MYO7B: variants seen among roughly 807,000 people sequenced by gnomAD.
MYO7B encodes myosin VIIB, also known as unconventional myosin-VIIb.
In MYO7B, 212 loss-of-function variants were observed where a neutral mutation model predicts 259.7. The observed-to-expected ratio is 0.82, with a 90% CI of 0.73 to 0.91. The LOEUF is 0.91. Ranked by LOEUF, MYO7B falls within the 40% of genes least tolerant of loss-of-function variation. MYO7B has a pLI of 0.00. For synonymous variants in MYO7B, 1,197 were observed against 1,166.4 expected (o/e 1.03, Z -0.54); for missense variants, 2,732 against 2,813.5 (o/e 0.97, Z 0.66).
In MYO7B at chr2:127,580,769, G is replaced by A. The variant is rs749059672; in HGVS notation, c.1027G>A (p.Ala343Thr). The change falls in exon 10 of 48, where the codon GCC (alanine) becomes ACC (threonine). Residue 343 changes from alanine (A) to threonine (T), a missense_variant. Around this residue, in one of 3 missense-constraint regions of MYO7B, gnomAD observed 1,906 missense variants for 2,026.4 expected, o/e 0.94. Coordinates refer to ENST00000409816, the MANE Select transcript of MYO7B (RefSeq NM_001393586.1). The stretch of plus-strand genomic sequence containing the variant: ...AGCTTCGGTCTTCGAGAACCTGGAC[G>A]CCTCAGACGTGATGGAGACGCCCGC... The part of the protein sequence containing the change: ...FMASVFENLD[A>T]SDVMETPAFP... The A allele has an allele frequency of 1.1e-5, 18 of 1,613,362 alleles. No individual in the cohort carries two copies. The highest frequency in any genetic ancestry group is 1.1e-4 in the East Asian group (5 of 44,888).
intron 10 of MYO7B, 64 bp downstream of exon 10, chr2:127,580,886 C>G (rs757740738): frequency 5.5e-6 from 8 of 1,443,794 alleles, no homozygotes; most frequent in Non-Finnish European, 7.7e-6. Context: ...GGCTGACAGA[C>G]CCCTGACACC....
chr2:127,545,382 C>A (rs1379432925), intron 1 of MYO7B, among the ~76,000 whole-genome samples: 3 of 152,190 alleles, frequency 2.0e-5, no homozygotes, highest in Non-Finnish European at 4.4e-5. Flanking sequence ...ACTGTGCTGC[C>A]CAGGGGCCCC....
In MYO7B at chr2:127,584,830, AG is replaced by A; in HGVS notation, c.1609del (p.Ala537ProfsTer37). On this transcript the variant is annotated frameshift_variant, in exon 14 of 48. Transcript: ENST00000409816. LOFTEE classifies it high-confidence loss of function. This position sits in a 1 kb window ranked among gnomAD's most constrained non-coding sequence, Gnocchi z 5.8. ...QKLNSVHANNKAFLQPKNIHD... is the reference protein window; with the variant it reads ...QKLNSVHANNXAFLQPKNIHD... ...CTGAACAGCGTCCATGCCAACAACA[AG>A]GCCTTCCTACAGCCCAAGAACATCC... The A allele has an allele frequency of 6.2e-7, 1 of 1,613,866 alleles. No individual in the cohort carries two copies.
rs372472844 is a variant in MYO7B at position 127,592,953 on chromosome 2, G to A, written c.2145+7G>A. ...CAACGCCATGCGGATGCAGGTCAGCGCCCCTCGGGGACGGTCACCTCTGGC... is the reference window on the plus strand; with the variant it reads ...CAACGCCATGCGGATGCAGGTCAGCACCCCTCGGGGACGGTCACCTCTGGC... On this transcript the variant is annotated splice_region_variant and intron_variant, in intron 17 of 47. Transcript: ENST00000409816. 154 of 1,578,536 alleles carry A rather than the reference G, an allele frequency of 9.8e-5. No homozygotes were observed. The highest frequency in any genetic ancestry group is 1.8e-4 in the Admixed American group (10 of 55,048).
Position 127,584,200 on chromosome 2 carries a change from A to AGAG in MYO7B, c.1426_1428dup (p.Glu476dup). 6.2e-7 allele frequency: 1 copy of AGAG among 1,613,990 alleles called. No homozygotes were observed. ...TGCAGCACGTGTTCACCATGGAGCA[A>AGAG]GAGGAGTACCGCTCGGAGAACATCT... On this transcript the variant is annotated inframe_insertion, in exon 13 of 48. Transcript: ENST00000409816. This position sits in a 1 kb window ranked among gnomAD's most constrained non-coding sequence, Gnocchi z 5.8.
rs530657148 is a variant in MYO7B, at chr2:127,597,409, G to A, written c.2339+853G>A. Among the ~76,000 whole-genome samples the A allele has an allele frequency of 3.3e-5, 5 of 152,088 alleles. No individual in the cohort carries two copies. The highest frequency in any genetic ancestry group is 6.5e-5 in the Admixed American group (1 of 15,276). ...GTCTTACCACCAGGATTCCTTCTGC[G>A]GCCTTGTTTAGCCACGCCCCCTCCC... On this transcript the variant is annotated intron_variant, in intron 19 of 47. Transcript: ENST00000409816. This position sits in a 1 kb window ranked among gnomAD's most constrained non-coding sequence, Gnocchi z 4.8.
At position 127,628,273 on chromosome 2, in the gene MYO7B, T is replaced by C. The variant is rs749323417; in HGVS notation, c.4461-99T>C. 4.9e-6 allele frequency: 7 copies of C among 1,422,022 alleles called. No individual in the cohort carries two copies. Among genetic ancestry groups the C allele is most frequent in the Non-Finnish European group, 6.7e-6 (7 of 1,042,966 alleles). The allele number at this position is 1,422,022 out of a possible 1,614,324, so 88.1% of individuals were successfully genotyped here. ...GGCAGAGCAGCTCTGTGTCCTCATCTGTGACTCAGGACCCCCAACCCCACC... is the reference window on the plus strand; with the variant it reads ...GGCAGAGCAGCTCTGTGTCCTCATCCGTGACTCAGGACCCCCAACCCCACC... On this transcript the variant is annotated intron_variant, in intron 33 of 47. Coordinates refer to ENST00000409816, the MANE Select transcript of MYO7B (RefSeq NM_001393586.1). The surrounding 1 kb of genome is among the most constrained non-coding windows in gnomAD (Gnocchi z 4.8).
rs373161822 is a variant in MYO7B at position 127,620,398 on chromosome 2, C to G, written c.3457C>G (p.Leu1153Val). 2.5e-6 allele frequency: 4 copies of G among 1,593,638 alleles called. No individual in the cohort carries two copies. The highest frequency in any genetic ancestry group is 2.3e-5 in the East Asian group (1 of 43,400). ...CTCGGAGAACTTCAAAACAAGCAGCCTGGCCCGGGGCTGGATCCTGCTCAG... is the reference window on the plus strand; with the variant it reads ...CTCGGAGAACTTCAAAACAAGCAGCGTGGCCCGGGGCTGGATCCTGCTCAG... ...QLSENFKTSS[L>V]ARGWILLSLC... Residue 1153 changes from leucine to valine, a missense_variant, in exon 27 of 48, where the codon CTG (leucine) becomes GTG (valine). Physicochemically the swap from Leu to Val is conservative, Grantham distance 32 (BLOSUM62 1). This residue lies in a region of MYO7B where 1,906 missense variants were observed against 2,026.4 expected (regional missense o/e 0.94). Transcript: ENST00000409816.
chr2:127,580,842 A>G lies in MYO7B; in HGVS notation c.1080+20A>G. The stretch of plus-strand genomic sequence containing the variant: ...CTGGAGGTAGGGGTGCTGTGCCCAC[A>G]GCTTCCATTTTGGTGGGGGGCCTCA... On this transcript the variant is annotated intron_variant, in intron 10 of 47. Coordinates refer to ENST00000409816, the MANE Select transcript of MYO7B (RefSeq NM_001393586.1). The G allele has an allele frequency of 6.2e-7, 1 of 1,608,024 alleles. No homozygotes were observed. The highest frequency in any genetic ancestry group is 8.5e-7 in the Non-Finnish European group (1 of 1,176,980).
In MYO7B at chr2:127,597,480, G is replaced by A. The variant is rs1679815912; in HGVS notation, c.2339+924G>A. Among the ~76,000 whole-genome samples the A allele has an allele frequency of 2.6e-5, 4 of 151,934 alleles. No individual in the cohort carries two copies. The highest frequency in any genetic ancestry group is 2.6e-4 in the Admixed American group (4 of 15,256). On this transcript the variant is annotated intron_variant, in intron 19 of 47. Coordinates refer to ENST00000409816, the MANE Select transcript of MYO7B (RefSeq NM_001393586.1). This position sits in a 1 kb window ranked among gnomAD's most constrained non-coding sequence, Gnocchi z 4.8. ...GCTTAACCCCAGCAACCTCTAACCT[G>A]TTCTACATTTCTAGAATGTTGCCAT...
At chr2:127,606,631 T>C (rs530253753) in intron 20 of MYO7B, among the ~76,000 whole-genome samples, 2 of 152,048 alleles carry the variant, frequency 1.3e-5, no homozygotes, top group African/African-American at 4.8e-5. Context: ...AACCCCAGAG[T>C]TGGGGTTTAG....
rs1680489782 is a variant in MYO7B at position 127,614,217 on chromosome 2, C to T, written c.3398+1614C>T. 1.3e-5 allele frequency among the ~76,000 whole-genome samples: 2 copies of T among 152,158 alleles called. No homozygotes were observed. Among genetic ancestry groups the T allele is most frequent in the African/African-American group, 4.8e-5 (2 of 41,446 alleles). ...GGCACTCCCATACAGTGCTGGTGTC[C>T]AGCAGTGATACTGTCCAACACTGAT... On this transcript the variant is annotated intron_variant, in intron 26 of 47. Coordinates refer to ENST00000409816, the MANE Select transcript of MYO7B (RefSeq NM_001393586.1). This position sits in a 1 kb window ranked among gnomAD's most constrained non-coding sequence, Gnocchi z 4.6.
intron 20 of MYO7B, among the ~76,000 whole-genome samples, chr2:127,606,442 C>T (rs1462527325): frequency 2.6e-5 from 4 of 152,224 alleles, no homozygotes; most frequent in African/African-American, 9.7e-5. Flanking sequence ...CAAGACTGGC[C>T]CAGCCTGCCT....
At chr2:127,593,458 TG>T in intron 17 of MYO7B, 87 bp from the exon 18 acceptor site, 1 of 1,298,740 alleles carries the variant, frequency 7.7e-7, no homozygotes. Flanking sequence ...GGGGAGCCTG[TG>T]GGAGAAGGAG....
At chr2:127,565,067 C>A (rs1678272467) in intron 3 of MYO7B, among the ~76,000 whole-genome samples, 166 bp from the exon 4 acceptor site, 1 of 152,254 alleles carries the variant, frequency 6.6e-6, no homozygotes, top group Admixed American at 6.5e-5. Context: ...AGTCTCTTGA[C>A]CCTTGTCATA....
rs754015434 is a variant in MYO7B, at chr2:127,629,733, C to T, written c.4713C>T (p.Leu1571=). 32 of 1,612,236 alleles carry T rather than the reference C, an allele frequency of 2.0e-5. No homozygotes were observed. The highest frequency in any genetic ancestry group is 9.3e-5 in the African/African-American group (7 of 75,028). ...TGCTGGCCTCTGAGAACTGGACCCT[C>T]GGCCAGAACGACAGGACAGGCAAGA... ...QGLLASENWT[L]GQNDRTGKTG... is the part of the protein sequence containing the mutation. Residue 1571 remains leucine (L), a synonymous_variant, in exon 35 of 48, where the codon CTC becomes CTT. Coordinates refer to ENST00000409816, the MANE Select transcript of MYO7B (RefSeq NM_001393586.1).
chr2:127,625,339 C>A (rs759809070), intron 30 of MYO7B, 29 bp from the exon 31 acceptor site: 1 of 1,487,860 alleles, frequency 6.7e-7, no homozygotes, highest in Non-Finnish European at 9.0e-7. Flanking sequence ...TTGTCTCACT[C>A]GCCCCCGTGG....
At chr2:127,566,226 A>T (rs1487070357) in intron 4 of MYO7B, among the ~76,000 whole-genome samples, 2 of 152,184 alleles carry the variant, frequency 1.3e-5, no homozygotes, top group Non-Finnish European at 2.9e-5. Context: ...CAGCTGATCC[A>T]GGGCGGAGGT....
At chr2:127,616,662 C>T (rs959480833) in intron 26 of MYO7B, among the ~76,000 whole-genome samples, 3 of 152,230 alleles carry the variant, frequency 2.0e-5, no homozygotes, top group Non-Finnish European at 2.9e-5. Context: ...ACGTAACGCA[C>T]TCCGACTGGG....
Sources: gnomAD v4.1 joint callset for allele counts (sites outside exome capture counted in the v4.1 genomes callset) on GRCh38, gnomAD v4.1.1 for gene constraint, gnomAD v4.1.1 regional missense constraint, Gnocchi (gnomAD v3.1) non-coding constraint, MANE v1.5 for transcripts, NCBI Gene and HGNC (gene_info 2026-07-23, HGNC 2026-07-21) for gene names.